The following PI4K2B variants were observed in gnomAD, a reference collection of about 807,000 sequenced individuals.
PI4K2B encodes phosphatidylinositol 4-kinase type 2-beta.
PI4K2B carries 46 observed loss-of-function variants against 56.6 expected under a neutral mutation model. The ratio of observed to expected loss-of-function variants is 0.81; its 90% CI spans 0.64 to 1.04. PI4K2B has a LOEUF of 1.04. Among genes scored for constraint, PI4K2B ranks in the 50% least tolerant of loss-of-function variants. PI4K2B has a pLI of 0.00. For missense variants in PI4K2B, 556 were observed against 607.7 expected (o/e 0.91, Z 0.89); for synonymous variants, 211 against 223.8 (o/e 0.94, Z 0.51).
At chr4:25,241,655 T>A (rs193243768) in intron 1 of PI4K2B, among the ~76,000 whole-genome samples, 67 of 152,348 alleles carry the variant, frequency 4.4e-4, no homozygotes, top group African/African-American at 1.6e-3. Flanking sequence ...TTTCCTTGTA[T>A]GATTTTGATA....
intron 1 of PI4K2B, among the ~76,000 whole-genome samples, chr4:25,250,156 C>T (rs1192676707): frequency 3.9e-5 from 6 of 152,028 alleles, no homozygotes; most frequent in South Asian, 2.1e-4. Flanking sequence ...TGCAGTGAGC[C>T]GAGATGGCGG....
chr4:25,241,049 C>T (rs1365567345), intron 1 of PI4K2B, among the ~76,000 whole-genome samples: 1 of 152,228 alleles, frequency 6.6e-6, no homozygotes, highest in Non-Finnish European at 1.5e-5. Context: ...CTGCCACCCC[C>T]TTGGGTTTTT....
At chr4:25,243,739 T>C (rs1025575842) in intron 1 of PI4K2B, among the ~76,000 whole-genome samples, 14 of 152,190 alleles carry the variant, frequency 9.2e-5, no homozygotes, top group African/African-American at 3.1e-4. Context: ...CAGAAGGATT[T>C]TCTTCCTTTC....
intron 1 of PI4K2B, among the ~76,000 whole-genome samples, chr4:25,250,222 G>C (rs944228098): frequency 6.6e-6 from 1 of 152,138 alleles, no homozygotes; most frequent in African/African-American, 2.4e-5. Context: ...AGAAGAGGGA[G>C]AGGGGAGAGG....
rs1376195127 is a variant in PI4K2B, at chr4:25,269,243, CTT to C, written c.1272+42_1272+43del. 3.6e-6 allele frequency: 4 copies of C among 1,116,600 alleles called. No homozygotes were observed. The Admixed American group carries it at 5.5e-5, about 15-fold the overall frequency. The allele number at this position is 1,116,600 out of a possible 1,614,324, so 69.2% of individuals were successfully genotyped here. ...TATTTGTTCATAAGGAAAAAAATCT[CTT>C]TGAAACAGTAGTCAACTGTTTTCCC... On this transcript the variant is annotated intron_variant, in intron 9 of 9. Coordinates refer to ENST00000264864, the MANE Select transcript of PI4K2B (RefSeq NM_018323.4).
chr4:25,257,455 C>A (rs184993014), intron 4 of PI4K2B, among the ~76,000 whole-genome samples: 1 of 152,200 alleles, frequency 6.6e-6, no homozygotes, highest in Admixed American at 6.5e-5. Context: ...AAATTCATGT[C>A]AAGGACTTGG....
In PI4K2B at chr4:25,277,104, G is replaced by A. The variant is rs1560383008; in HGVS notation, c.1363G>A (p.Gly455Arg). 1.2e-6 allele frequency: 2 copies of A among 1,613,934 alleles called. No individual in the cohort carries two copies. Among genetic ancestry groups the A allele is most frequent in the African/African-American group, 1.3e-5 (1 of 75,032 alleles). ...PCVIVERSQG[G>R]SQGRIVHLSN... ...TGTGATTGTGGAACGCAGTCAAGGT[G>A]GAAGTCAGGGTCGGATTGTCCACCT... is the stretch of plus-strand genomic sequence containing the variant. Residue 455 changes from glycine (G) to arginine (R), a missense_variant, in exon 10 of 10, where the codon GGA (glycine) becomes AGA (arginine). Gly to Arg is a moderately radical substitution (Grantham distance 125, BLOSUM62 -2). Transcript: ENST00000264864.
At position 25,268,319 on chromosome 4, in the gene PI4K2B, G is replaced by A. The variant is rs78053724; in HGVS notation, c.1079-124G>A. 784 of 746,550 alleles carry A rather than the reference G, an allele frequency of 1.1e-3. 5 individuals carry two copies. In the African/African-American group the frequency reaches 0.012, roughly 11 times the overall value. The allele number at this position is 746,550 out of a possible 1,614,324, so 46.2% of individuals were successfully genotyped here. A position where few individuals can be genotyped will look rare whatever the true frequency, so the allele number is the denominator to read the frequency against. On this transcript the variant is annotated intron_variant, in intron 7 of 9. Coordinates refer to ENST00000264864, the MANE Select transcript of PI4K2B (RefSeq NM_018323.4). ...GGATTGCAGTGGGTAGTTGTACTCT[G>A]ATTAAGTTCTTATCCTGTCCTTTTT...
intron 7 of PI4K2B, among the ~76,000 whole-genome samples, chr4:25,266,294 G>A (rs1716662157): frequency 6.6e-6 from 1 of 152,162 alleles, no homozygotes; most frequent in Non-Finnish European, 1.5e-5. Context: ...AGCCTCTCAA[G>A]TAGCTGAGAC....
chr4:25,234,668 C>T (rs1453237013), intron 1 of PI4K2B, among the ~76,000 whole-genome samples: 1 of 152,244 alleles, frequency 6.6e-6, no homozygotes, highest in African/African-American at 2.4e-5. Context: ...TAAACCGATT[C>T]TTTAGACCTC....
intron 6 of PI4K2B, among the ~76,000 whole-genome samples, chr4:25,263,234 C>A (rs1716544056): frequency 6.6e-6 from 1 of 152,156 alleles, no homozygotes; most frequent in Non-Finnish European, 1.5e-5. Context: ...CAAAAAATAA[C>A]ACCTACATTC....
chr4:25,267,389 A>G lies in PI4K2B; in HGVS notation c.1079-1054A>G, dbSNP rs183111400. On this transcript the variant is annotated intron_variant, in intron 7 of 9. Coordinates refer to ENST00000264864, the MANE Select transcript of PI4K2B (RefSeq NM_018323.4). Reference sequence around the variant, plus strand: ...AGTGACCTTCCTACTGTGTGCAATGAGATAGATCAAGAAGTGAGAGCCAGG... The same window carrying G: ...AGTGACCTTCCTACTGTGTGCAATGGGATAGATCAAGAAGTGAGAGCCAGG... Among the ~76,000 whole-genome samples, 5 of 152,378 alleles carry G rather than the reference A, an allele frequency of 3.3e-5. No homozygotes were observed. In the East Asian group the frequency reaches 7.7e-4, roughly 24 times the overall value.
At chr4:25,265,221 AT>A in intron 7 of PI4K2B, among the ~76,000 whole-genome samples, 1 of 150,264 alleles carries the variant, frequency 6.7e-6, no homozygotes, top group Admixed American at 6.6e-5. Context: ...AAAAAAAAAA[AT>A]TTGTATCCAT....
chr4:25,273,248 A>G (rs1192259466), intron 9 of PI4K2B, among the ~76,000 whole-genome samples: 2 of 152,194 alleles, frequency 1.3e-5, no homozygotes, highest in African/African-American at 4.8e-5. Context: ...AATTCATCTT[A>G]TATTCTAATT....
intron 9 of PI4K2B, among the ~76,000 whole-genome samples, chr4:25,269,407 C>T (rs1443165407): frequency 3.9e-5 from 6 of 152,032 alleles, no homozygotes; most frequent in African/African-American, 9.7e-5. Context: ...GAGGCCAAGG[C>T]GGGTGAATCA....
intron 1 of PI4K2B, among the ~76,000 whole-genome samples, chr4:25,234,793 C>T (rs911861150): frequency 1.3e-5 from 2 of 152,240 alleles, no homozygotes; most frequent in Non-Finnish European, 2.9e-5. Context: ...GAACCTTGAA[C>T]TCTCAGGAAA....
At chr4:25,238,524 G>A (rs181350865) in intron 1 of PI4K2B, among the ~76,000 whole-genome samples, 1 of 152,180 alleles carries the variant, frequency 6.6e-6, no homozygotes, top group African/African-American at 2.4e-5. Flanking sequence ...TAAAGGCGGT[G>A]TGTTCGGAGT....
intron 7 of PI4K2B, among the ~76,000 whole-genome samples, chr4:25,265,635 T>G (rs184596739): frequency 5.9e-5 from 9 of 152,340 alleles, no homozygotes; most frequent in African/African-American, 1.9e-4. Context: ...GATCTTAAAA[T>G]TTCTACGTCA....
Position 25,256,523 on chromosome 4 carries a change from T to G in PI4K2B, c.625-20T>G. 1 of 1,602,330 alleles carries G rather than the reference T, an allele frequency of 6.2e-7. No individual in the cohort carries two copies. The highest frequency in any genetic ancestry group is 8.5e-7 in the Non-Finnish European group (1 of 1,175,898). ...CTATAATGCAAATTCTAACCATTTT[T>G]CTGAATTGTATGTTTCTAGGTGGTT... On this transcript the variant is annotated intron_variant, in intron 3 of 9. Coordinates refer to ENST00000264864, the MANE Select transcript of PI4K2B (RefSeq NM_018323.4).
Sources: gnomAD v4.1 joint callset for allele counts (sites outside exome capture counted in the v4.1 genomes callset) on GRCh38, gnomAD v4.1.1 for gene constraint, MANE v1.5 for transcripts, NCBI Gene and HGNC (gene_info 2026-07-23, HGNC 2026-07-21) for gene names.